Variants in MAF observed in about 807,000 individuals in gnomAD.
The protein encoded by MAF is MAF bZIP transcription factor.
MAF carries 10 observed loss-of-function variants against 22.0 expected under a neutral mutation model. That is an observed-to-expected ratio of 0.45 (90% CI 0.28 to 0.77). The LOEUF is 0.77. MAF is among the 30% of genes least tolerant of loss of function. MAF has a pLI of 0.12. For synonymous variants in MAF, 337 were observed against 255.8 expected (o/e 1.32, Z -3.03); for missense variants, 544 against 548.4 (o/e 0.99, Z 0.08).
the MAF span, among the ~76,000 whole-genome samples, chr16:79,260,872 T>G: frequency 1.3e-5 from 2 of 152,124 alleles, no homozygotes; most frequent in African/African-American, 2.4e-5. Context: ...GAAAACTATT[T>G]GTATAGCAAA....
chr16:79,486,828 T>A, the MAF span, among the ~76,000 whole-genome samples: 1 of 152,190 alleles, frequency 6.6e-6, no homozygotes, highest in Non-Finnish European at 1.5e-5. Flanking sequence ...TAGAGCTACG[T>A]GTTTGAGAAA....
At chr16:79,571,695 A>G in the MAF span, among the ~76,000 whole-genome samples, 2 of 152,140 alleles carry the variant, frequency 1.3e-5, no homozygotes, top group African/African-American at 2.4e-5. Context: ...AGGTTCAGGC[A>G]GGATAGATCT....
chr16:79,352,589 A>G, the MAF span, among the ~76,000 whole-genome samples: 2 of 152,222 alleles, frequency 1.3e-5, no homozygotes, highest in South Asian at 2.1e-4. Context: ...AAGTTTATTT[A>G]TATTTTTTAA....
At chr16:79,401,635 C>G in the MAF span, among the ~76,000 whole-genome samples, 1 of 152,084 alleles carries the variant, frequency 6.6e-6, no homozygotes, top group Non-Finnish European at 1.5e-5. Flanking sequence ...GGGTACCACT[C>G]TCACATTCCA....
the MAF span, among the ~76,000 whole-genome samples, chr16:79,338,968 G>A: frequency 6.6e-6 from 1 of 152,168 alleles, no homozygotes; most frequent in African/African-American, 2.4e-5. Flanking sequence ...TTGCAGCCAG[G>A]GATGGCCATA....
chr16:79,484,215 G>A, the MAF span, among the ~76,000 whole-genome samples: 7 of 152,182 alleles, frequency 4.6e-5, no homozygotes, highest in East Asian at 1.9e-4. Flanking sequence ...CAAGGCAACC[G>A]TCCAGGTCCC....
the MAF span, among the ~76,000 whole-genome samples, chr16:79,242,944 A>ATGAC: frequency 2.6e-5 from 4 of 152,086 alleles, no homozygotes; most frequent in Non-Finnish European, 4.4e-5. Context: ...CTGCTCCTGA[A>ATGAC]TGACTGCTGG....
chr16:79,360,749 C>G, the MAF span, among the ~76,000 whole-genome samples: 7,790 of 152,164 alleles, frequency 0.051, 468 homozygotes, highest in African/African-American at 0.15. Context: ...TTCAGAGAAG[C>G]GGCAAGATCC....
the MAF span, among the ~76,000 whole-genome samples, chr16:79,390,198 C>A: frequency 5.3e-5 from 8 of 151,966 alleles, no homozygotes; most frequent in African/African-American, 1.9e-4. Flanking sequence ...CTGAACGACT[C>A]TCCTTGAAAG....
chr16:79,305,989 A>AT, the MAF span, among the ~76,000 whole-genome samples: 3 of 152,126 alleles, frequency 2.0e-5, no homozygotes, highest in African/African-American at 7.2e-5. Flanking sequence ...CCCTCTTGTC[A>AT]TTTTTTGGCT....
At chr16:79,294,360 G>C in the MAF span, among the ~76,000 whole-genome samples, 1 of 152,106 alleles carries the variant, frequency 6.6e-6, no homozygotes, top group Non-Finnish European at 1.5e-5. Context: ...CTGTTTCTTT[G>C]ATCAATAGGG....
chr16:79,318,501 C>A, the MAF span, among the ~76,000 whole-genome samples: 1 of 152,198 alleles, frequency 6.6e-6, no homozygotes. Context: ...AGAATAGATT[C>A]ATCAGCCTGA....
chr16:79,320,239 A>G, the MAF span, among the ~76,000 whole-genome samples: 1 of 152,304 alleles, frequency 6.6e-6, no homozygotes, highest in East Asian at 1.9e-4. Context: ...CTCTCTCTAT[A>G]TATATACTTA....
chr16:79,249,721 AC>A, the MAF span, among the ~76,000 whole-genome samples: 1 of 151,988 alleles, frequency 6.6e-6, no homozygotes, highest in Non-Finnish European at 1.5e-5. Context: ...CTTCAGAGAT[AC>A]CCTCCCTGGC....
chr16:79,361,416 T>C, the MAF span, among the ~76,000 whole-genome samples: 7 of 152,306 alleles, frequency 4.6e-5, no homozygotes, highest in Admixed American at 3.3e-4. Flanking sequence ...CATTTCCTTA[T>C]AGGGGCCTAA....
At chr16:79,526,158 T>C in the MAF span, among the ~76,000 whole-genome samples, 2 of 152,198 alleles carry the variant, frequency 1.3e-5, no homozygotes, top group Non-Finnish European at 2.9e-5. Flanking sequence ...GAAATGGCGT[T>C]AGACCAGCAG....
the MAF span, among the ~76,000 whole-genome samples, chr16:79,301,951 C>A: frequency 6.6e-6 from 1 of 152,250 alleles, no homozygotes; most frequent in South Asian, 2.1e-4. Context: ...ACGTTGAGAG[C>A]TGCACAAGGG....
At chr16:79,515,073 C>T in the MAF span, among the ~76,000 whole-genome samples, 2 of 152,132 alleles carry the variant, frequency 1.3e-5, no homozygotes, top group Admixed American at 6.5e-5. Flanking sequence ...AAATGGGGGA[C>T]AGAAAAAATG....
At chr16:79,339,172 C>T in the MAF span, among the ~76,000 whole-genome samples, 1 of 152,278 alleles carries the variant, frequency 6.6e-6, no homozygotes, top group South Asian at 2.1e-4. Flanking sequence ...CGGGTTCACG[C>T]CATTCTCCTG....
Sources: gnomAD v4.1 joint callset for allele counts (sites outside exome capture counted in the v4.1 genomes callset) on GRCh38, gnomAD v4.1.1 for gene constraint, MANE v1.5 for transcripts, NCBI Gene and HGNC (gene_info 2026-07-23, HGNC 2026-07-21) for gene names.